RNF14: variants seen among roughly 807,000 people sequenced by gnomAD.
RNF14 encodes the protein ring finger protein 14.
A neutral mutation model predicts 52.6 loss-of-function variants in RNF14; 26 were observed. That is an observed-to-expected ratio of 0.49 (90% CI 0.36 to 0.69). RNF14 has a LOEUF of 0.69. Among genes scored for constraint, RNF14 ranks in the 30% least tolerant of loss-of-function variants. The pLI is 0.00. For synonymous variants in RNF14, 194 were observed against 202.0 expected (o/e 0.96, Z 0.34); for missense variants, 404 against 560.4 (o/e 0.72, Z 2.82).
intron 2 of RNF14, among the ~76,000 whole-genome samples, chr5:141,971,563 TTTTCTTTCTTTCTTTCTTTCTTTCTTTC>T (rs746341507): frequency 4.2e-4 from 23 of 55,094 alleles, no homozygotes; most frequent in African/African-American, 9.3e-4. Context: ...GCTAATTTCT[TTTTCTTTCTTTCTTTCTTTCTTTCTTTC>T]TTTCTTTCTT....
At chr5:141,987,511 G>A (rs757128782) in intron 8 of RNF14, among the ~76,000 whole-genome samples, 5 of 152,126 alleles carry the variant, frequency 3.3e-5, no homozygotes, top group African/African-American at 4.8e-5. Flanking sequence ...TGGGAATGGA[G>A]CTGGACAAGT....
chr5:141,955,419 G>T (rs2126927387), upstream of RNF14: 2 of 1,614,018 alleles, frequency 1.2e-6, no homozygotes, highest in Non-Finnish European at 8.5e-7. The surrounding 1 kb of genome is among the most constrained non-coding windows in gnomAD (Gnocchi z 5.5). Context: ...GGGCCTGCAG[G>T]CAGGGGTCCC....
chr5:141,967,033 G>A (rs771550785), upstream of RNF14: 1 of 152,316 alleles, frequency 6.6e-6, no homozygotes, highest in Non-Finnish European at 1.5e-5. Flanking sequence ...TCTGGTTTTG[G>A]TATCTATTAG....
intron 8 of RNF14, among the ~76,000 whole-genome samples, chr5:141,985,173 A>T (rs933048315): frequency 6.6e-6 from 1 of 152,192 alleles, no homozygotes; most frequent in Non-Finnish European, 1.5e-5. Flanking sequence ...AAAGGATAGG[A>T]CTATGAATAG....
At chr5:141,955,376 G>A, upstream of RNF14, 2 of 1,614,026 alleles carry the variant, frequency 1.2e-6, no homozygotes, top group Non-Finnish European at 1.7e-6. This position sits in a 1 kb window ranked among gnomAD's most constrained non-coding sequence, Gnocchi z 5.5. Context: ...TGATTACGCA[G>A]CGTCCTGTAC....
upstream of RNF14, chr5:141,957,078 T>C (rs1451472794): frequency 6.2e-7 from 1 of 1,614,054 alleles, no homozygotes; most frequent in East Asian, 2.2e-5. The surrounding 1 kb of genome is among the most constrained non-coding windows in gnomAD (Gnocchi z 4.3). Context: ...GCGTACCAGG[T>C]GCAGCATCTT....
intron 8 of RNF14, among the ~76,000 whole-genome samples, chr5:141,985,429 T>C (rs1036923991): frequency 1.3e-5 from 2 of 152,224 alleles, no homozygotes; most frequent in Admixed American, 1.3e-4. Context: ...TCTGAAAATA[T>C]CTTTTAAAGC....
intron 4 of RNF14, among the ~76,000 whole-genome samples, chr5:141,976,140 C>T (rs1177017448): frequency 2.6e-5 from 4 of 152,288 alleles, no homozygotes; most frequent in Non-Finnish European, 5.9e-5. Context: ...AGGAGTATTA[C>T]TTTACATTCT....
chr5:141,956,163 T>C (rs565905592), upstream of RNF14: 13 of 1,614,182 alleles, frequency 8.1e-6, no homozygotes, highest in African/African-American at 1.7e-4. Flanking sequence ...GGACCACCTC[T>C]GGGGCATTAT....
At chr5:141,976,666 A>G (rs965141126) in intron 4 of RNF14, among the ~76,000 whole-genome samples, 1 of 152,030 alleles carries the variant, frequency 6.6e-6, no homozygotes, top group Non-Finnish European at 1.5e-5. Context: ...GACAGAGGGA[A>G]GTGGTTTTAG....
chr5:141,951,564 C>T, the RNF14 span: 1 of 1,614,182 alleles, frequency 6.2e-7, no homozygotes, highest in East Asian at 2.2e-5. Context: ...GGCCCTGATG[C>T]AGCAAGGACA....
upstream of RNF14, chr5:141,968,753 C>T (rs557455481): frequency 6.6e-6 from 1 of 152,246 alleles, no homozygotes; most frequent in Non-Finnish European, 1.5e-5. Flanking sequence ...CCAGAAAGAC[C>T]GGCAGCATTT....
intron 8 of RNF14, 72 bp downstream of exon 8, chr5:141,985,005 GTTTTA>G (rs1174792894): frequency 2.2e-6 from 3 of 1,356,560 alleles, no homozygotes; most frequent in Non-Finnish European, 3.1e-6. Flanking sequence ...CAAATCCAGT[GTTTTA>G]TTTAAGTACT....
intron 1 of RNF14, among the ~76,000 whole-genome samples, chr5:141,960,146 G>A (rs1205361883): frequency 1.3e-5 from 2 of 152,168 alleles, no homozygotes; most frequent in Admixed American, 1.3e-4. Flanking sequence ...GGAGCTCAGG[G>A]ACACAAGGGT....
upstream of RNF14, among the ~76,000 whole-genome samples, chr5:141,967,570 G>C (rs561618104): frequency 6.6e-6 from 1 of 152,186 alleles, no homozygotes; most frequent in Non-Finnish European, 1.5e-5. Flanking sequence ...GGCCCTATGT[G>C]ACTGCACGGG....
At chr5:141,956,224 G>T (rs1246855286), upstream of RNF14, 2 of 1,614,182 alleles carry the variant, frequency 1.2e-6, no homozygotes, top group Non-Finnish European at 1.7e-6. Context: ...TGCAAGCATG[G>T]GTTGCCCGCT....
At chr5:141,966,070 C>T (rs1484631183), upstream of RNF14, among the ~76,000 whole-genome samples, 1 of 151,870 alleles carries the variant, frequency 6.6e-6, no homozygotes. Flanking sequence ...CACTTGAGCC[C>T]AGGAGTTCAA....
chr5:141,973,873 G>A (rs926512886), intron 3 of RNF14, 131 bp downstream of exon 3: 69 of 753,456 alleles, frequency 9.2e-5, no homozygotes, highest in Non-Finnish European at 2.4e-5. Context: ...GCATGTTTCT[G>A]TTTTAAATGA....
chr5:141,989,967 A>G lies in RNF14; in HGVS notation c.*2177A>G, dbSNP rs1467822395. The G allele has an allele frequency of 2.0e-5, 3 of 152,196 alleles. No homozygotes were observed. The highest frequency in any genetic ancestry group is 7.2e-5 in the African/African-American group (3 of 41,450). The allele number at this position is 152,196 out of a possible 1,614,324, so 9.4% of individuals were successfully genotyped here. ...TTTATAATACAGTTTTATGAAAGAAATGGGAGCCTTTTTTCCCATTTATGA... is the reference window on the plus strand; with the variant it reads ...TTTATAATACAGTTTTATGAAAGAAGTGGGAGCCTTTTTTCCCATTTATGA... On this transcript the variant is annotated 3_prime_UTR_variant, in exon 9 of 9. Coordinates refer to ENST00000394520, the MANE Select transcript of RNF14 (RefSeq NM_004290.5).
Sources: gnomAD v4.1 joint callset for allele counts (sites outside exome capture counted in the v4.1 genomes callset) on GRCh38, gnomAD v4.1.1 for gene constraint, Gnocchi (gnomAD v3.1) non-coding constraint, MANE v1.5 for transcripts, NCBI Gene and HGNC (gene_info 2026-07-23, HGNC 2026-07-21) for gene names.